THRAP3: variants seen among roughly 807,000 people sequenced by gnomAD.
THRAP3 encodes the protein thyroid hormone receptor associated protein 3.
In THRAP3, 16 loss-of-function variants were observed where a neutral mutation model predicts 101.0. The observed-to-expected ratio is 0.16, with a 90% confidence interval of 0.11 to 0.24. The LOEUF is 0.24. Among genes scored for constraint, THRAP3 ranks in the 10% least tolerant of loss-of-function variants. The probability of loss-of-function intolerance (pLI) is 1.00; values close to 1 mark genes in which losing one functional copy is unlikely to be tolerated. For missense variants in THRAP3, 989 were observed against 1,202.7 expected (o/e 0.82, Z 2.63); for synonymous variants, 407 against 422.6 (o/e 0.96, Z 0.45).
chr1:36,288,996 G>A, intron 4 of THRAP3, 64 bp from the exon 5 acceptor site: 1 of 1,430,940 alleles, frequency 7.0e-7, no homozygotes, highest in South Asian at 1.8e-5. Flanking sequence ...AAACGGTAAG[G>A]CACTATTTTA....
At chr1:36,221,347 G>A (rs534596574), upstream of THRAP3, among the ~76,000 whole-genome samples, 3 of 151,816 alleles carry the variant, frequency 2.0e-5, no homozygotes, top group South Asian at 2.1e-4. Flanking sequence ...AGCACTGCAC[G>A]CTACAGAGAA....
chr1:36,287,782 A>C, intron 4 of THRAP3: 1 of 985,428 alleles, frequency 1.0e-6, no homozygotes. Context: ...TAAAACCACA[A>C]GGTGGGTGTA....
chr1:36,225,254 A>G (rs775923237), intron 1 of THRAP3, among the ~76,000 whole-genome samples: 14 of 152,212 alleles, frequency 9.2e-5, no homozygotes, highest in Non-Finnish European at 1.9e-4. Flanking sequence ...TACAGTGTTT[A>G]TGGGGAATTT....
rs1646024806 is a variant in THRAP3 at position 36,301,036 on chromosome 1, C to G, written c.2454C>G (p.Asp818Glu). ...GFDKSRLGTK[D>E]FVGPSERGGG... is the part of the protein sequence containing the mutation. ...ACAAATCAAGACTGGGGACCAAAGACTTTGTGGGTCCAAGTGAAAGAGGAG... is the reference window on the plus strand; with the variant it reads ...ACAAATCAAGACTGGGGACCAAAGAGTTTGTGGGTCCAAGTGAAAGAGGAG... Residue 818 changes from aspartate to glutamate, a missense_variant, in exon 10 of 12, where the codon GAC becomes GAG. By Grantham distance (45) the Asp-to-Glu change is conservative (BLOSUM62 2). Transcript: ENST00000354618. 6.8e-6 allele frequency: 11 copies of G among 1,614,186 alleles called. No individual in the cohort carries two copies. The highest frequency in any genetic ancestry group is 8.5e-6 in the Non-Finnish European group (10 of 1,180,034).
intron 1 of THRAP3, among the ~76,000 whole-genome samples, chr1:36,254,876 G>T (rs1039392387): frequency 6.6e-6 from 1 of 152,156 alleles, no homozygotes; most frequent in Non-Finnish European, 1.5e-5. Context: ...GTGTGCCTTA[G>T]TTGCCATCCC....
At position 36,289,504 on chromosome 1, in the gene THRAP3, C is replaced by G. The variant is rs766849081; in HGVS notation, c.1485C>G (p.Phe495Leu). 1 of 1,614,116 alleles carries G rather than the reference C, an allele frequency of 6.2e-7. No individual in the cohort carries two copies. The highest frequency in any genetic ancestry group is 8.5e-7 in the Non-Finnish European group (1 of 1,180,016). Residue 495 changes from phenylalanine to leucine, a missense_variant, in exon 5 of 12, where the codon TTC (phenylalanine) becomes TTG (leucine). Physicochemically the swap from Phe to Leu is conservative, Grantham distance 22 (BLOSUM62 0). Transcript: ENST00000354618. Reference sequence around the variant, plus strand: ...CAGAGGAGCTGGAGGAGGAGTCTTTCCCAGAGAGATCCAAAAAGGAAGATC... The same window carrying G: ...CAGAGGAGCTGGAGGAGGAGTCTTTGCCAGAGAGATCCAAAAAGGAAGATC... ...RKTEELEEESFPERSKKEDRG... is the reference protein window; with the variant it reads ...RKTEELEEESLPERSKKEDRG...
chr1:36,255,639 T>G (rs1645363541), intron 1 of THRAP3, among the ~76,000 whole-genome samples: 1 of 149,016 alleles, frequency 6.7e-6, no homozygotes, highest in African/African-American at 2.6e-5. Context: ...TGGGTGTGGT[T>G]GTGCATGCCT....
At chr1:36,218,009 C>A in the THRAP3 span, among the ~76,000 whole-genome samples, 66 of 152,274 alleles carry the variant, frequency 4.3e-4, no homozygotes, top group East Asian at 0.012. Context: ...AAAGCCTAGA[C>A]AGGCAGAAAG....
intron 8 of THRAP3, among the ~76,000 whole-genome samples, chr1:36,294,411 A>G (rs907595327): frequency 1.3e-5 from 2 of 152,136 alleles, no homozygotes; most frequent in African/African-American, 4.8e-5. Flanking sequence ...TCATCTGTCA[A>G]TTACTGTTAC....
At chr1:36,297,998 T>G (rs1466773410) in intron 9 of THRAP3, among the ~76,000 whole-genome samples, 2 of 145,580 alleles carry the variant, frequency 1.4e-5, no homozygotes, top group Non-Finnish European at 3.1e-5. Context: ...AAAAAAAAAA[T>G]TAGCCGGGCA....
Position 36,282,536 on chromosome 1 carries a change from T to C in THRAP3, c.-28T>C, listed in dbSNP as rs367843551. 6.2e-7 allele frequency: 1 copy of C among 1,608,888 alleles called. No individual in the cohort carries two copies. The highest frequency in any genetic ancestry group is 8.5e-7 in the Non-Finnish European group (1 of 1,176,824). On this transcript the variant is annotated 5_prime_UTR_variant, in exon 3 of 12. Transcript: ENST00000354618. ...CTAATGCATTTTCTTACATTAGGTGTAATTGAAAAGTGATCCTCTCTTCAG... is the reference window on the plus strand; with the variant it reads ...CTAATGCATTTTCTTACATTAGGTGCAATTGAAAAGTGATCCTCTCTTCAG...
upstream of THRAP3, among the ~76,000 whole-genome samples, chr1:36,224,129 A>G (rs1466131422): frequency 6.6e-6 from 1 of 152,236 alleles, no homozygotes; most frequent in Admixed American, 6.5e-5. Context: ...CTCTCCCTCC[A>G]GGCTGGTTCC....
At chr1:36,260,117 C>G (rs2124489677) in intron 2 of THRAP3, among the ~76,000 whole-genome samples, 2 of 152,194 alleles carry the variant, frequency 1.3e-5, no homozygotes, top group East Asian at 3.9e-4. Flanking sequence ...TGGCAGGCAC[C>G]TGTAATCCCA....
At chr1:36,259,636 C>T (rs1246904803) in intron 2 of THRAP3, among the ~76,000 whole-genome samples, 152 bp downstream of exon 2, 1 of 151,832 alleles carries the variant, frequency 6.6e-6, no homozygotes, top group Non-Finnish European at 1.5e-5. Context: ...CCTGGTGATA[C>T]ACATCTGTGG....
chr1:36,258,490 T>C (rs1181410811), intron 1 of THRAP3, among the ~76,000 whole-genome samples: 5 of 152,130 alleles, frequency 3.3e-5, no homozygotes, highest in African/African-American at 2.4e-5. Flanking sequence ...TTTTTTTTTT[T>C]CTTGAGGCGA....
chr1:36,240,069 TA>T (rs1645136981), intron 1 of THRAP3, among the ~76,000 whole-genome samples: 1 of 152,156 alleles, frequency 6.6e-6, no homozygotes, highest in African/African-American at 2.4e-5. Flanking sequence ...GAACAGCTTG[TA>T]ACAGAAATTC....
At chr1:36,220,953 C>CAAAAA (rs1206488922), upstream of THRAP3, among the ~76,000 whole-genome samples, 14 of 44,380 alleles carry the variant, frequency 3.2e-4, 1 homozygote, top group African/African-American at 8.1e-4. Flanking sequence ...GAGACTGTCT[C>CAAAAA]AAAAAAAAAA....
chr1:36,245,543 A>C (rs1417644991), intron 1 of THRAP3, among the ~76,000 whole-genome samples: 4 of 152,030 alleles, frequency 2.6e-5, no homozygotes, highest in African/African-American at 9.7e-5. Flanking sequence ...TGCTGACTGA[A>C]TGATTCTGTT....
chr1:36,245,732 C>A (rs1377616556), intron 1 of THRAP3, among the ~76,000 whole-genome samples: 1 of 152,088 alleles, frequency 6.6e-6, no homozygotes, highest in Non-Finnish European at 1.5e-5. Context: ...TGGTTCTTCC[C>A]CTGGGTAAAT....
Sources: allele counts gnomAD v4.1 joint callset (sites outside exome capture counted in the v4.1 genomes callset), GRCh38; gene constraint gnomAD v4.1.1; transcripts MANE v1.5; gene names NCBI Gene and HGNC (gene_info 2026-07-23, HGNC 2026-07-21).